Variants in LRCH1 observed in about 807,000 individuals in gnomAD.
LRCH1 encodes leucine rich repeats and calponin homology domain containing 1, also known as leucine-rich repeat and calponin homology domain-containing protein 1.
LRCH1 carries 23 observed loss-of-function variants against 94.9 expected under a neutral mutation model. That is an observed-to-expected ratio of 0.24 (90% confidence interval 0.17 to 0.34). The LOEUF (loss-of-function observed/expected upper bound fraction) is 0.34, where lower values mean the gene tolerates loss of function less well. Ranked by LOEUF, LRCH1 falls within the 10% of genes least tolerant of loss-of-function variation. The probability of loss-of-function intolerance (pLI) is 1.00; values close to 1 mark genes in which losing one functional copy is unlikely to be tolerated. For missense variants in LRCH1, 790 were observed against 945.9 expected (o/e 0.84, Z 2.16); for synonymous variants, 364 against 354.9 (o/e 1.03, Z -0.29).
At chr13:46,746,999 A>T (rs570241405), downstream of LRCH1, among the ~76,000 whole-genome samples, 1 of 152,170 alleles carries the variant, frequency 6.6e-6, no homozygotes, top group Non-Finnish European at 1.5e-5. Context: ...CCATGCTTGT[A>T]TAAGGTTTCT....
Position 46,742,114 on chromosome 13 carries a change from G to A in LRCH1, c.*266G>A, listed in dbSNP as rs1343513828. On this transcript the variant is annotated 3_prime_UTR_variant, in exon 20 of 20. Coordinates refer to ENST00000389797, the MANE Select transcript of LRCH1 (RefSeq NM_001164211.2). ...CACCGCATGCTTCCTCATCCACATA[G>A]TGCCAGCAGCAGTGCCACGCAGTTC... The A allele has an allele frequency of 7.7e-7, 1 of 1,295,308 alleles. No homozygotes were observed. The highest frequency in any genetic ancestry group is 9.8e-7 in the Non-Finnish European group (1 of 1,016,714). 80.2% of individuals were successfully genotyped at this position (1,295,308 alleles called of 1,614,324 possible). A position where few individuals can be genotyped will look rare whatever the true frequency, so the allele number is the denominator to read the frequency against.
chr13:46,578,136 T>A (rs2050323915), intron 1 of LRCH1, among the ~76,000 whole-genome samples: 1 of 152,174 alleles, frequency 6.6e-6, no homozygotes, highest in South Asian at 2.1e-4. Flanking sequence ...GCATTAGGTG[T>A]GGAAAGGAAG....
At chr13:46,648,072 A>G (rs1267293624) in intron 1 of LRCH1, among the ~76,000 whole-genome samples, 1 of 152,072 alleles carries the variant, frequency 6.6e-6, no homozygotes, top group Non-Finnish European at 1.5e-5. Flanking sequence ...AACTCACCAT[A>G]ATACAGAATC....
chr13:46,685,693 TAA>T (rs1324773653), intron 4 of LRCH1, among the ~76,000 whole-genome samples: 1 of 152,220 alleles, frequency 6.6e-6, no homozygotes, highest in East Asian at 1.9e-4. Context: ...AACAACAATT[TAA>T]AACTTTGGGG....
intron 1 of LRCH1, among the ~76,000 whole-genome samples, chr13:46,579,301 G>A (rs1205371142): frequency 1.3e-5 from 2 of 152,130 alleles, no homozygotes; most frequent in African/African-American, 4.8e-5. Context: ...GCAGTCATCA[G>A]TGTTTATTTT....
At chr13:46,688,413 T>C (rs1870729841) in intron 6 of LRCH1, among the ~76,000 whole-genome samples, 1 of 152,220 alleles carries the variant, frequency 6.6e-6, no homozygotes, top group Non-Finnish European at 1.5e-5. Flanking sequence ...GCTTTATTTT[T>C]GGTCTTTTAA....
intron 19 of LRCH1, 48 bp from the exon 20 acceptor site, chr13:46,741,594 A>C (rs1873656034): frequency 6.2e-7 from 1 of 1,609,130 alleles, no homozygotes; most frequent in Non-Finnish European, 8.5e-7. Flanking sequence ...GTGTATTTTT[A>C]ATTGTATGCA....
chr13:46,664,294 A>G (rs1268472157), intron 2 of LRCH1, among the ~76,000 whole-genome samples: 1 of 152,260 alleles, frequency 6.6e-6, no homozygotes, highest in Non-Finnish European at 1.5e-5. Flanking sequence ...AATGGACCAC[A>G]TATGTGACAG....
chr13:46,689,335 G>A (rs1870779589), intron 7 of LRCH1, 139 bp downstream of exon 7: 2 of 606,766 alleles, frequency 3.3e-6, no homozygotes, highest in Admixed American at 5.9e-5. Context: ...GTATATTCAT[G>A]TGATTTGAAA....
intron 1 of LRCH1, among the ~76,000 whole-genome samples, chr13:46,643,470 T>C (rs1228853269): frequency 6.6e-6 from 1 of 152,228 alleles, no homozygotes; most frequent in Non-Finnish European, 1.5e-5. Flanking sequence ...CCAGACGTTG[T>C]TTTATTTCTT....
intron 2 of LRCH1, among the ~76,000 whole-genome samples, chr13:46,656,456 A>C (rs936815585): frequency 6.6e-6 from 1 of 152,054 alleles, no homozygotes; most frequent in South Asian, 2.1e-4. Context: ...CCATTCAAAG[A>C]GAAAATGAGA....
At chr13:46,727,520 TG>T (rs1872880886) in intron 17 of LRCH1, among the ~76,000 whole-genome samples, 1 of 152,256 alleles carries the variant, frequency 6.6e-6, no homozygotes, top group South Asian at 2.1e-4. Context: ...TTTCTTTTTT[TG>T]AGACGGAGTC....
At chr13:46,710,688 T>G (rs1442672485) in intron 13 of LRCH1, among the ~76,000 whole-genome samples, 1 of 152,204 alleles carries the variant, frequency 6.6e-6, no homozygotes, top group Non-Finnish European at 1.5e-5. Context: ...CTCTTGGATT[T>G]GTGTCAAAGG....
chr13:46,653,785 G>GC (rs1326172461), intron 2 of LRCH1, among the ~76,000 whole-genome samples: 13 of 152,160 alleles, frequency 8.5e-5, no homozygotes, highest in Admixed American at 7.2e-4. Context: ...TTGTGCTACT[G>GC]CATTCCAGCC....
chr13:46,684,113 A>G (rs563233581), intron 4 of LRCH1, among the ~76,000 whole-genome samples: 113 of 152,204 alleles, frequency 7.4e-4, no homozygotes, highest in Non-Finnish European at 1.4e-3. Context: ...TAAGAAGACC[A>G]TATTTTATTC....
At chr13:46,671,791 G>A (rs2138122932) in intron 3 of LRCH1, among the ~76,000 whole-genome samples, 1 of 152,306 alleles carries the variant, frequency 6.6e-6, no homozygotes, top group African/African-American at 2.4e-5. Flanking sequence ...TAGGTTCACA[G>A]CAAAATTGAG....
rs189395852 is a variant in LRCH1 at position 46,582,631 on chromosome 13, C to T, written c.307+28928C>T. Among the ~76,000 whole-genome samples the T allele has an allele frequency of 3.4e-3, 407 of 120,870 alleles. 1 individual carries two copies. Among genetic ancestry groups the T allele is most frequent in the African/African-American group, 0.012 (380 of 32,088 alleles). 79.3% of individuals were successfully genotyped at this position (120,870 alleles called of 152,430 possible). ...TCCTGAGTGGCTGGGACCACAGGCA[C>T]GCACCACCATGCCCAGCTTTTTTTT... On this transcript the variant is annotated intron_variant, in intron 1 of 19. Coordinates refer to ENST00000389797, the MANE Select transcript of LRCH1 (RefSeq NM_001164211.2).
intron 1 of LRCH1, among the ~76,000 whole-genome samples, chr13:46,588,021 C>A (rs188867996): frequency 1.7e-4 from 26 of 152,196 alleles, no homozygotes; most frequent in Non-Finnish European, 3.2e-4. Flanking sequence ...TGAGAAAAAT[C>A]AGAGGAATGT....
intron 1 of LRCH1, among the ~76,000 whole-genome samples, chr13:46,564,832 AATAG>A (rs1199157464): frequency 5.9e-5 from 9 of 152,364 alleles, no homozygotes; most frequent in African/African-American, 1.9e-4. Context: ...TTCAAAGGGT[AATAG>A]ATAGCACAGG....
Sources: allele counts gnomAD v4.1 joint callset (sites outside exome capture counted in the v4.1 genomes callset), GRCh38; gene constraint gnomAD v4.1.1; transcripts MANE v1.5; gene names NCBI Gene and HGNC (gene_info 2026-07-23, HGNC 2026-07-21).